TUSC3: variants seen among roughly 807,000 people sequenced by gnomAD.
TUSC3 encodes the protein dolichyl-diphosphooligosaccharide--protein glycosyltransferase subunit TUSC3.
In TUSC3, 45 loss-of-function variants were observed where a neutral mutation model predicts 44.8. The observed-to-expected ratio is 1.00, with a 90% confidence interval of 0.79 to 1.29. The LOEUF is 1.29. Among genes scored for constraint, TUSC3 ranks in the 50% most tolerant of loss-of-function variants. The pLI is 0.00. For missense variants in TUSC3, 519 were observed against 437.9 expected (o/e 1.19, Z -1.65); for synonymous variants, 212 against 152.9 (o/e 1.39, Z -2.85).
intron 1 of TUSC3, among the ~76,000 whole-genome samples, chr8:15,577,334 A>G (rs1803156593): frequency 6.6e-6 from 1 of 151,700 alleles, no homozygotes. Flanking sequence ...CCATTTGTCA[A>G]TTTTGGCTTT....
chr8:15,574,693 G>C (rs775859388), intron 1 of TUSC3, among the ~76,000 whole-genome samples: 1 of 152,168 alleles, frequency 6.6e-6, no homozygotes, highest in Admixed American at 6.5e-5. Context: ...GCTTTTATTT[G>C]ATAGCTAACA....
At chr8:15,483,873 G>A (rs1369628516) in intron 2 of TUSC3, among the ~76,000 whole-genome samples, 2 of 142,944 alleles carry the variant, frequency 1.4e-5, no homozygotes, top group Non-Finnish European at 3.0e-5. Flanking sequence ...TAGCCAGGGT[G>A]GTCTCGATCT....
intron 1 of TUSC3, among the ~76,000 whole-genome samples, chr8:15,605,439 A>G (rs1031820659): frequency 5.9e-5 from 9 of 152,012 alleles, no homozygotes; most frequent in African/African-American, 2.2e-4. Flanking sequence ...CTCCTGTAGA[A>G]GGAAGCCATT....
At chr8:15,731,995 C>A (rs1810743221) in intron 7 of TUSC3, among the ~76,000 whole-genome samples, 1 of 152,144 alleles carries the variant, frequency 6.6e-6, no homozygotes, top group Non-Finnish European at 1.5e-5. Context: ...TCAAAGACTT[C>A]CTCGTTTGTA....
chr8:15,734,373 T>C (rs1163771887), intron 7 of TUSC3, among the ~76,000 whole-genome samples: 1 of 152,158 alleles, frequency 6.6e-6, no homozygotes, highest in Admixed American at 6.5e-5. Flanking sequence ...TATCTCCATA[T>C]CAGTAGTGTT....
chr8:15,455,936 T>C (rs546219080), intron 1 of TUSC3, among the ~76,000 whole-genome samples: 69 of 152,308 alleles, frequency 4.5e-4, no homozygotes, highest in Non-Finnish European at 9.1e-4. Context: ...TCCACTACTG[T>C]AGAAGATAAC....
chr8:15,451,667 C>T (rs1285108379), intron 1 of TUSC3, among the ~76,000 whole-genome samples: 6 of 151,984 alleles, frequency 3.9e-5, no homozygotes, highest in African/African-American at 1.5e-4. Context: ...GTAATTGAAC[C>T]TGAGGAAGGG....
chr8:15,645,131 A>T (rs974109906), intron 2 of TUSC3, among the ~76,000 whole-genome samples: 1 of 152,150 alleles, frequency 6.6e-6, no homozygotes, highest in African/African-American at 2.4e-5. Flanking sequence ...TTCTCCTCCA[A>T]TATATCATGC....
chr8:15,622,550 G>GACT (rs1343911585), intron 1 of TUSC3, among the ~76,000 whole-genome samples: 1 of 152,278 alleles, frequency 6.6e-6, no homozygotes, highest in East Asian at 1.9e-4. Context: ...GTGCCTCCCA[G>GACT]ACTAGCCACC....
intron 2 of TUSC3, among the ~76,000 whole-genome samples, chr8:15,512,190 G>T (rs73193324): frequency 6.6e-6 from 1 of 152,204 alleles, no homozygotes; most frequent in Non-Finnish European, 1.5e-5. Context: ...ACAGGAGAGC[G>T]ATACTCTAGA....
chr8:15,460,953 A>G (rs1447292002), intron 1 of TUSC3, among the ~76,000 whole-genome samples: 1 of 152,162 alleles, frequency 6.6e-6, no homozygotes, highest in Non-Finnish European at 1.5e-5. Context: ...GTTTGAAATC[A>G]GGTAGTGTGA....
chr8:15,546,926 G>A (rs888357362), intron 1 of TUSC3, among the ~76,000 whole-genome samples: 1 of 151,662 alleles, frequency 6.6e-6, no homozygotes, highest in African/African-American at 2.4e-5. Context: ...TCTTTTTAAT[G>A]TTGGAAGGCA....
chr8:15,723,579 C>T (rs946546443), intron 6 of TUSC3, among the ~76,000 whole-genome samples: 3 of 152,224 alleles, frequency 2.0e-5, no homozygotes, highest in Non-Finnish European at 4.4e-5. Context: ...ATTTTATCAT[C>T]TATATCACAT....
chr8:15,422,790 C>A (rs1204854097), intron 1 of TUSC3, among the ~76,000 whole-genome samples: 1 of 151,906 alleles, frequency 6.6e-6, no homozygotes, highest in Non-Finnish European at 1.5e-5. Flanking sequence ...CTACAGGCAC[C>A]CACCACCAAA....
the TUSC3 span, among the ~76,000 whole-genome samples, chr8:15,825,991 G>A: frequency 0.028 from 4,192 of 148,740 alleles, 201 homozygotes; most frequent in African/African-American, 0.097. Flanking sequence ...AAATAAAAAT[G>A]TGCTGATGTG....
intron 2 of TUSC3, among the ~76,000 whole-genome samples, chr8:15,644,022 A>ATTTT (rs1325545898): frequency 6.6e-6 from 1 of 152,242 alleles, no homozygotes; most frequent in Non-Finnish European, 1.5e-5. Flanking sequence ...TAACATTAAA[A>ATTTT]AGAGAAGCTA....
the TUSC3 span, among the ~76,000 whole-genome samples, chr8:15,811,220 G>C: frequency 3.9e-5 from 6 of 152,166 alleles, no homozygotes; most frequent in Non-Finnish European, 8.8e-5. Flanking sequence ...CCAAATCTCA[G>C]AGACATAACA....
At chr8:15,807,671 T>A in the TUSC3 span, among the ~76,000 whole-genome samples, 44 of 152,182 alleles carry the variant, frequency 2.9e-4, no homozygotes, top group African/African-American at 1.1e-3. Context: ...CATGTTGGAC[T>A]ACTAAACACC....
At chr8:15,653,941 A>G (rs1199654352) in intron 3 of TUSC3, among the ~76,000 whole-genome samples, 2 of 152,136 alleles carry the variant, frequency 1.3e-5, no homozygotes, top group Non-Finnish European at 2.9e-5. Context: ...AGTAACTTCA[A>G]TTATATGTGA....
Sources: gnomAD v4.1 joint callset for allele counts (sites outside exome capture counted in the v4.1 genomes callset) on GRCh38, gnomAD v4.1.1 for gene constraint, MANE v1.5 for transcripts, NCBI Gene and HGNC (gene_info 2026-07-23, HGNC 2026-07-21) for gene names.